CSNK1G3: variants seen among roughly 807,000 people sequenced by gnomAD.
The protein encoded by CSNK1G3 is casein kinase I isoform gamma-3.
CSNK1G3 carries 23 observed loss-of-function variants against 64.3 expected under a neutral mutation model. The observed-to-expected ratio is 0.36, with a 90% CI of 0.26 to 0.51. The LOEUF (loss-of-function observed/expected upper bound fraction) is 0.51, where lower values mean the gene tolerates loss of function less well. Among genes scored for constraint, CSNK1G3 ranks in the 20% least tolerant of loss-of-function variants. CSNK1G3 has a pLI of 0.96. For synonymous variants in CSNK1G3, 158 were observed against 162.2 expected (o/e 0.97, Z 0.20); for missense variants, 357 against 510.5 (o/e 0.70, Z 2.90).
chr5:123,553,195 T>A, intron 3 of CSNK1G3, 48 bp downstream of exon 3: 2 of 967,024 alleles, frequency 2.1e-6, no homozygotes, highest in Non-Finnish European at 1.5e-6. Context: ...TTGTTACTTT[T>A]TAAGTAACTT....
intron 10 of CSNK1G3, among the ~76,000 whole-genome samples, chr5:123,596,990 G>A (rs996845718): frequency 6.6e-6 from 1 of 151,402 alleles, no homozygotes; most frequent in Non-Finnish European, 1.5e-5. Flanking sequence ...TTGTGTAATT[G>A]GACTAATGAA....
At chr5:123,518,039 G>A (rs985061501) in intron 1 of CSNK1G3, among the ~76,000 whole-genome samples, 1 of 151,830 alleles carries the variant, frequency 6.6e-6, no homozygotes, top group Non-Finnish European at 1.5e-5. Flanking sequence ...ATATTTCCCA[G>A]TATGGTCCCT....
At chr5:123,557,499 C>T (rs754857586) in exon 4 of CSNK1G3, 2 of 1,605,162 alleles carry the variant, frequency 1.2e-6, no homozygotes, top group African/African-American at 1.3e-5. Context: ...AATTAGGAGC[C>T]CATGAAATCA....
At chr5:123,517,083 G>A (rs1180450657) in intron 1 of CSNK1G3, among the ~76,000 whole-genome samples, 2 of 152,154 alleles carry the variant, frequency 1.3e-5, no homozygotes, top group Non-Finnish European at 1.5e-5. Flanking sequence ...TTCAGAAGTT[G>A]CCGATAAGAA....
intron 1 of CSNK1G3, among the ~76,000 whole-genome samples, chr5:123,521,319 C>G (rs1212843599): frequency 6.6e-6 from 1 of 151,984 alleles, no homozygotes; most frequent in African/African-American, 2.4e-5. Context: ...AGGATCTTTA[C>G]TGAGTACTTT....
chr5:123,581,709 T>TTA (rs1554079030), intron 6 of CSNK1G3, among the ~76,000 whole-genome samples: 46 of 150,322 alleles, frequency 3.1e-4, no homozygotes, highest in Non-Finnish European at 4.6e-4. Flanking sequence ...TCTCTTTTTT[T>TTA]AAAAAAAAAA....
At chr5:123,512,815 C>A (rs1259945725) in intron 1 of CSNK1G3, among the ~76,000 whole-genome samples, 1 of 151,172 alleles carries the variant, frequency 6.6e-6, no homozygotes, top group African/African-American at 2.4e-5. Flanking sequence ...GGCTAGGGGG[C>A]AGCGGGGGCC....
At chr5:123,565,891 T>C (rs1225295117) in intron 4 of CSNK1G3, among the ~76,000 whole-genome samples, 1 of 152,136 alleles carries the variant, frequency 6.6e-6, no homozygotes, top group Non-Finnish European at 1.5e-5. Context: ...ATCTGCCCCA[T>C]TGACCCAGTT....
intron 6 of CSNK1G3, among the ~76,000 whole-genome samples, chr5:123,586,863 C>T (rs186726289): frequency 2.1e-4 from 32 of 152,336 alleles, no homozygotes; most frequent in African/African-American, 7.5e-4. Context: ...TACAGTTCCA[C>T]ATGGCTGGGG....
chr5:123,536,438 T>C (rs1561474163), intron 1 of CSNK1G3, among the ~76,000 whole-genome samples: 4 of 148,442 alleles, frequency 2.7e-5, no homozygotes, highest in African/African-American at 9.9e-5. Context: ...TTTTTTTTTT[T>C]TTAAAAAAAA....
intron 4 of CSNK1G3, 28 bp downstream of exon 4, chr5:123,557,592 T>C: frequency 7.3e-7 from 1 of 1,374,748 alleles, no homozygotes; most frequent in East Asian, 2.3e-5. Context: ...TTTTTAAATT[T>C]GAAATAAAGT....
exon 4 of CSNK1G3, chr5:123,557,557 A>C: frequency 6.3e-7 from 1 of 1,590,298 alleles, no homozygotes; most frequent in Non-Finnish European, 8.6e-7. Flanking sequence ...AGCAGTTAGG[A>C]TCTGGAGGTA....
intron 5 of CSNK1G3, among the ~76,000 whole-genome samples, chr5:123,574,416 G>A (rs1024293183): frequency 6.6e-6 from 1 of 152,108 alleles, no homozygotes; most frequent in Non-Finnish European, 1.5e-5. Flanking sequence ...ATGAAAGGAT[G>A]TTTATAATAA....
intron 6 of CSNK1G3, among the ~76,000 whole-genome samples, chr5:123,583,598 A>G (rs1790764942): frequency 6.6e-6 from 1 of 152,146 alleles, no homozygotes; most frequent in Admixed American, 6.5e-5. Flanking sequence ...TCCCAACCTC[A>G]GGTGATCAGC....
At chr5:123,589,151 A>G (rs935365372) in intron 8 of CSNK1G3, among the ~76,000 whole-genome samples, 1 of 152,196 alleles carries the variant, frequency 6.6e-6, no homozygotes, top group African/African-American at 2.4e-5. Context: ...AAAGAGAGCT[A>G]AATTTGAAGA....
intron 10 of CSNK1G3, among the ~76,000 whole-genome samples, chr5:123,594,410 G>A (rs1295108756): frequency 6.6e-6 from 1 of 152,124 alleles, no homozygotes; most frequent in Non-Finnish European, 1.5e-5. Context: ...AGGAAGCAGA[G>A]AGATTCATAT....
intron 2 of CSNK1G3, among the ~76,000 whole-genome samples, chr5:123,548,467 A>G (rs1374494556): frequency 2.0e-4 from 31 of 151,664 alleles, no homozygotes; most frequent in African/African-American, 7.5e-4. Context: ...CTCAAAAAAA[A>G]AAAAAAAAAA....
chr5:123,581,360 G>GTTT (rs10612602), intron 6 of CSNK1G3, among the ~76,000 whole-genome samples: 16 of 81,570 alleles, frequency 2.0e-4, no homozygotes, highest in Non-Finnish European at 3.0e-4. Context: ...TTTTGGGTTT[G>GTTT]TTTTTTTTTT....
intron 1 of CSNK1G3, among the ~76,000 whole-genome samples, chr5:123,517,314 G>C (rs548157585): frequency 6.6e-6 from 1 of 152,174 alleles, no homozygotes; most frequent in South Asian, 2.1e-4. Context: ...AGTTACTGTA[G>C]ACTTACCAAG....
Sources: gnomAD v4.1 joint callset for allele counts (sites outside exome capture counted in the v4.1 genomes callset) on GRCh38, gnomAD v4.1.1 for gene constraint, MANE v1.5 for transcripts, NCBI Gene and HGNC (gene_info 2026-07-23, HGNC 2026-07-21) for gene names.